Variants in CECR2 observed in about 807,000 individuals in gnomAD.
The protein encoded by CECR2 is CECR2 histone acetyl-lysine reader, also known as chromatin remodeling regulator CECR2.
A neutral mutation model predicts 154.5 loss-of-function variants in CECR2; 30 were observed. The ratio of observed to expected loss-of-function variants is 0.19; its 90% confidence interval spans 0.15 to 0.26. The LOEUF is 0.26. Ranked by LOEUF, CECR2 falls within the 10% of genes least tolerant of loss-of-function variation. The pLI is 1.00. For missense variants in CECR2, 1,743 were observed against 1,829.3 expected (o/e 0.95, Z 0.86); for synonymous variants, 725 against 683.7 (o/e 1.06, Z -0.94).
At chr22:17,400,034 ATATAT>A (rs1440166364) in intron 1 of CECR2, among the ~76,000 whole-genome samples, 3 of 152,128 alleles carry the variant, frequency 2.0e-5, no homozygotes, top group African/African-American at 4.8e-5. Flanking sequence ...GTATTTTATA[ATATAT>A]TAAGTTCTAA....
chr22:17,412,838 T>C (rs1353376858), intron 1 of CECR2, among the ~76,000 whole-genome samples: 4 of 152,156 alleles, frequency 2.6e-5, no homozygotes, highest in Admixed American at 1.3e-4. Flanking sequence ...GAGCCGCCCC[T>C]TTCCTTTCTC....
intron 2 of CECR2, among the ~76,000 whole-genome samples, chr22:17,490,982 G>A (rs2055519275): frequency 6.6e-6 from 1 of 152,138 alleles, no homozygotes; most frequent in Non-Finnish European, 1.5e-5. Flanking sequence ...TATGGGAAGT[G>A]TCCTTTTGTA....
chr22:17,545,612 C>G (rs2056601747), intron 16 of CECR2, among the ~76,000 whole-genome samples: 1 of 151,456 alleles, frequency 6.6e-6, no homozygotes, highest in African/African-American at 2.4e-5. Context: ...TGGGAGGCCA[C>G]AGTGGGTGGA....
chr22:17,398,815 T>A (rs1439658206), intron 1 of CECR2, among the ~76,000 whole-genome samples: 1 of 152,244 alleles, frequency 6.6e-6, no homozygotes. Context: ...TACAGAATTA[T>A]CTCATTTGGT....
rs1339121774 is a variant in CECR2 at position 17,447,033 on chromosome 22, C to CTGTTTTTTTTTTTTTTTTTTTT, written c.127-30554_127-30553insGTTTTTTTTTTTTTTTTTTTTT. On this transcript the variant is annotated intron_variant, in intron 1 of 18. Coordinates refer to ENST00000262608, the MANE Select transcript of CECR2 (RefSeq NM_001290047.2). ...GAGTGCTGAGTGGTGCGTTTACAAT[C>CTGTTTTTTTTTTTTTTTTTTTT]TTTTTTTTTTTTTTTTTTTGAGACA... Among the ~76,000 whole-genome samples the CTGTTTTTTTTTTTTTTTTTTTT allele has an allele frequency of 4.2e-4, 48 of 114,104 alleles. 5 individuals carry two copies. The highest frequency in any genetic ancestry group is 1.7e-3 in the African/African-American group (45 of 26,696). The allele number at this position is 114,104 out of a possible 152,430, so 74.9% of individuals were successfully genotyped here.
At chr22:17,408,852 A>G (rs2054024353) in intron 1 of CECR2, among the ~76,000 whole-genome samples, 1 of 152,210 alleles carries the variant, frequency 6.6e-6, no homozygotes, top group Admixed American at 6.5e-5. Flanking sequence ...TTTCTCTTGC[A>G]TTTAGAATAG....
chr22:17,532,405 C>T lies in CECR2; in HGVS notation c.1109-4698C>T, dbSNP rs9604758. ...TAGTTTCAGGCCTTCCTGGGGTTTT[C>T]TGCAAACTTAGAATAATAGAATGAA... On this transcript the variant is annotated intron_variant, in intron 9 of 18. Transcript: ENST00000262608. Among the ~76,000 whole-genome samples the T allele has an allele frequency of 2.0e-5, 3 of 152,224 alleles. No homozygotes were observed. In the South Asian group the frequency reaches 6.2e-4, roughly 32 times the overall value.
intron 1 of CECR2, chr22:17,419,519 A>G (rs533060097): frequency 5.6e-6 from 1 of 179,148 alleles, no homozygotes; most frequent in East Asian, 1.1e-4. Context: ...AGGAAGAAGA[A>G]GAAGAAGAAG....
chr22:17,513,421 T>A (rs1320736810), intron 8 of CECR2, among the ~76,000 whole-genome samples: 1 of 152,214 alleles, frequency 6.6e-6, no homozygotes, highest in Admixed American at 6.5e-5. Flanking sequence ...TAAATTTGAG[T>A]GACGACACGA....
At chr22:17,447,156 T>C (rs1209707426) in intron 1 of CECR2, among the ~76,000 whole-genome samples, 1 of 149,658 alleles carries the variant, frequency 6.7e-6, no homozygotes, top group Admixed American at 6.7e-5. Flanking sequence ...TGCCTCAGCC[T>C]CCCGAGTAGC....
At chr22:17,476,965 C>G in intron 1 of CECR2, 1 of 538,642 alleles carries the variant, frequency 1.9e-6, no homozygotes, top group East Asian at 3.0e-5. Flanking sequence ...CCAAGGAAAG[C>G]AAAGACATTC....
At chr22:17,390,197 G>A (rs2063311632) in intron 1 of CECR2, among the ~76,000 whole-genome samples, 2 of 152,018 alleles carry the variant, frequency 1.3e-5, no homozygotes, top group African/African-American at 4.8e-5. Flanking sequence ...TCTTTCTTGA[G>A]CTTGACCTTT....
At chr22:17,453,840 C>G (rs2054810865) in intron 1 of CECR2, among the ~76,000 whole-genome samples, 1 of 152,156 alleles carries the variant, frequency 6.6e-6, no homozygotes, top group Non-Finnish European at 1.5e-5. Context: ...ACCCTTTCTG[C>G]AGAAAGTATA....
intron 9 of CECR2, among the ~76,000 whole-genome samples, chr22:17,529,377 C>T (rs1354824141): frequency 6.6e-6 from 1 of 152,018 alleles, no homozygotes; most frequent in Admixed American, 6.6e-5. Context: ...CCCAGGGTCG[C>T]ATTGGGATGG....
At chr22:17,372,186 GT>G (rs2063069305) in intron 1 of CECR2, among the ~76,000 whole-genome samples, 1 of 152,082 alleles carries the variant, frequency 6.6e-6, no homozygotes, top group Non-Finnish European at 1.5e-5. Flanking sequence ...ATCCACACTC[GT>G]TTTTATTTGG....
chr22:17,493,264 G>T (rs539549503), intron 2 of CECR2, among the ~76,000 whole-genome samples: 1 of 152,244 alleles, frequency 6.6e-6, no homozygotes, highest in Non-Finnish European at 1.5e-5. Context: ...GAGCTACTGC[G>T]CCCGGCCTCT....
chr22:17,485,708 A>G (rs1409463401), intron 2 of CECR2, among the ~76,000 whole-genome samples: 3 of 152,154 alleles, frequency 2.0e-5, no homozygotes, highest in African/African-American at 7.2e-5. Flanking sequence ...CAGGAGGCGG[A>G]GGTTGCAGTG....
At chr22:17,449,460 G>A (rs563322902) in intron 1 of CECR2, among the ~76,000 whole-genome samples, 1 of 141,340 alleles carries the variant, frequency 7.1e-6, no homozygotes, top group Admixed American at 7.1e-5. Context: ...TTTCAGCTCC[G>A]CACATCTAAT....
At chr22:17,366,689 G>A (rs963687544), upstream of CECR2, among the ~76,000 whole-genome samples, 17 of 152,138 alleles carry the variant, frequency 1.1e-4, no homozygotes, top group African/African-American at 4.1e-4. Context: ...AGGCAGTTAA[G>A]TCCAAGGGGA....
Sources: allele counts gnomAD v4.1 joint callset (sites outside exome capture counted in the v4.1 genomes callset), GRCh38; gene constraint gnomAD v4.1.1; transcripts MANE v1.5; gene names NCBI Gene and HGNC (gene_info 2026-07-23, HGNC 2026-07-21).